The following NSFL1C variants were observed in gnomAD, a reference collection of about 807,000 sequenced individuals.
NSFL1C encodes NSFL1 cofactor, also known as NSFL1 cofactor p47.
NSFL1C carries 14 observed loss-of-function variants against 43.1 expected under a neutral mutation model. The ratio of observed to expected loss-of-function variants is 0.32; its 90% CI spans 0.21 to 0.51. The LOEUF (loss-of-function observed/expected upper bound fraction) is 0.51. Ranked by LOEUF, NSFL1C falls within the 20% of genes least tolerant of loss-of-function variation. NSFL1C has a pLI of 0.98. For synonymous variants in NSFL1C, 171 were observed against 183.5 expected, an observed-to-expected ratio of 0.93 and a Z score of 0.55; for missense variants, 406 against 472.5, an observed-to-expected ratio of 0.86 and a Z score of 1.30.
chr20:1,458,709 A>C (rs529414956), intron 2 of NSFL1C, among the ~76,000 whole-genome samples: 2 of 152,246 alleles, frequency 1.3e-5, no homozygotes, highest in Admixed American at 1.3e-4. Context: ...CCAAAGAACT[A>C]GTGGACAATC....
chr20:1,452,732 G>C (rs968777284), intron 6 of NSFL1C, 102 bp from the exon 7 acceptor site: 1 of 1,444,630 alleles, frequency 6.9e-7, no homozygotes, highest in Non-Finnish European at 9.4e-7. Flanking sequence ...GTGAAAAATC[G>C]CTGGGCCTCC....
At chr20:1,466,469 C>T (rs555401375) in intron 1 of NSFL1C, among the ~76,000 whole-genome samples, 1 of 152,360 alleles carries the variant, frequency 6.6e-6, no homozygotes, top group Non-Finnish European at 1.5e-5. Context: ...CGCCCGAAGT[C>T]TCGCTGACGC....
chr20:1,464,973 G>C (rs1364224432), intron 1 of NSFL1C, among the ~76,000 whole-genome samples: 2 of 152,288 alleles, frequency 1.3e-5, no homozygotes, highest in African/African-American at 2.4e-5. Context: ...TGTGGAGTCA[G>C]TCCAGGTTGC....
At position 1,445,734 on chromosome 20, in the gene NSFL1C, A is replaced by G. The variant is rs2122803117; in HGVS notation, c.882T>C (p.Pro294=). The G allele has an allele frequency of 6.2e-7, 1 of 1,614,066 alleles. No homozygotes were observed. The highest frequency in any genetic ancestry group is 8.5e-7 in the Non-Finnish European group (1 of 1,180,014). Residue 294 remains proline, a synonymous_variant, in exon 8 of 9, where the codon CCT becomes CCC. Transcript: ENST00000216879. ...CAAGCCGAATTTGGATGTTTGTGGT[A>G]GGCTCTGATTCGTCGATTAAGATGG... The part of the protein sequence containing the change: ...SSSILIDESE[P]TTNIQIRLAD...
At chr20:1,458,340 C>A in intron 2 of NSFL1C, 66 bp from the exon 3 acceptor site, 1 of 1,367,260 alleles carries the variant, frequency 7.3e-7, no homozygotes. Context: ...TCATCACCAG[C>A]TGCTAAGGAG....
intron 1 of NSFL1C, among the ~76,000 whole-genome samples, 189 bp from the exon 2 acceptor site, chr20:1,464,615 A>G (rs1381220869): frequency 1.3e-5 from 2 of 152,162 alleles, no homozygotes; most frequent in Non-Finnish European, 2.9e-5. Context: ...AACAAATTCC[A>G]CCCACTAAGG....
chr20:1,464,672 T>A (rs1391344852), intron 1 of NSFL1C, among the ~76,000 whole-genome samples: 1 of 152,198 alleles, frequency 6.6e-6, no homozygotes, highest in Non-Finnish European at 1.5e-5. Context: ...CACTCTTTAT[T>A]CTCATTTTAT....
At chr20:1,447,387 C>T (rs1208122573) in intron 7 of NSFL1C, among the ~76,000 whole-genome samples, 2 of 152,090 alleles carry the variant, frequency 1.3e-5, no homozygotes, top group Admixed American at 1.3e-4. Context: ...TTGAATGCAG[C>T]CCAACACAAA....
At chr20:1,451,769 A>G (rs1055784163) in intron 7 of NSFL1C, among the ~76,000 whole-genome samples, 2 of 152,212 alleles carry the variant, frequency 1.3e-5, no homozygotes, top group South Asian at 2.1e-4. Context: ...CTATTAACCA[A>G]TCAGATATCA....
chr20:1,455,747 C>A (rs1461469702), intron 3 of NSFL1C: 3 of 779,256 alleles, frequency 3.8e-6, no homozygotes, highest in African/African-American at 3.4e-5. Flanking sequence ...AGGTTCAAAT[C>A]AGCAGATGTA....
At chr20:1,443,962 C>T (rs767217935) in intron 8 of NSFL1C, 51 bp from the exon 9 acceptor site, 81 of 1,559,734 alleles carry the variant, frequency 5.2e-5, no homozygotes, top group Non-Finnish European at 6.6e-5. Context: ...CTGTCCATAC[C>T]CCTGCCCTGT....
intron 1 of NSFL1C, among the ~76,000 whole-genome samples, chr20:1,466,046 G>A (rs1445772636): frequency 1.3e-5 from 2 of 152,090 alleles, no homozygotes; most frequent in African/African-American, 4.8e-5. Context: ...GTTAATTACC[G>A]AATGCTTATT....
At chr20:1,463,006 T>C (rs1370847100) in intron 2 of NSFL1C, among the ~76,000 whole-genome samples, 1 of 152,190 alleles carries the variant, frequency 6.6e-6, no homozygotes, top group Non-Finnish European at 1.5e-5. Context: ...ATCATTACCA[T>C]TTGACAGGCG....
chr20:1,446,439 T>G (rs1000419469), intron 7 of NSFL1C, among the ~76,000 whole-genome samples: 3 of 152,070 alleles, frequency 2.0e-5, no homozygotes, highest in Non-Finnish European at 2.9e-5. Context: ...AAAAGCCAAT[T>G]AAGTGCTGGG....
intron 2 of NSFL1C, chr20:1,464,080 TAAGTAA>T (rs563472487): frequency 3.5e-4 from 157 of 445,630 alleles, no homozygotes; most frequent in African/African-American, 2.9e-3. Context: ...TCATACTACA[TAAGTAA>T]AAGTCTTAAA....
At position 1,443,548 on chromosome 20, in the gene NSFL1C, C is replaced by CCATT. The variant is rs2089993967; in HGVS notation, c.*197_*200dup. The CCATT allele has an allele frequency of 2.1e-6, 1 of 477,858 alleles. No homozygotes were observed. 29.6% of individuals were successfully genotyped at this position (477,858 alleles called of 1,614,324 possible). A position where few individuals can be genotyped will look rare whatever the true frequency, so the allele number is the denominator to read the frequency against. ...TTTTTATTTTTTTTTTCATTAAAGT[C>CCATT]CATTGATCATCACAAAAACCCAGGA... On this transcript the variant is annotated 3_prime_UTR_variant, in exon 9 of 9. Transcript: ENST00000216879.
rs1024019676 is a variant in NSFL1C at position 1,442,999 on chromosome 20, C to T, written c.*750G>A. On this transcript the variant is annotated 3_prime_UTR_variant, in exon 9 of 9. Coordinates refer to ENST00000216879, the MANE Select transcript of NSFL1C (RefSeq NM_016143.5). ...CCTAGGTCCACTCAAGACTTCTGCA[C>T]GTGGAGTAAATCAAGCCATAATGGA... The T allele has an allele frequency of 6.6e-6, 1 of 152,140 alleles. No homozygotes were observed. Among genetic ancestry groups the T allele is most frequent in the African/African-American group, 2.4e-5 (1 of 41,410 alleles). 9.4% of individuals were successfully genotyped at this position (152,140 alleles called of 1,614,324 possible). A position where few individuals can be genotyped will look rare whatever the true frequency, so the allele number is the denominator to read the frequency against.
chr20:1,443,584 A>C lies in NSFL1C; in HGVS notation c.*165T>G. 1 of 582,984 alleles carries C rather than the reference A, an allele frequency of 1.7e-6. No homozygotes were observed. Among genetic ancestry groups the C allele is most frequent in the East Asian group, 2.8e-5 (1 of 35,206 alleles). 36.1% of individuals were successfully genotyped at this position (582,984 alleles called of 1,614,324 possible). A position where few individuals can be genotyped will look rare whatever the true frequency, so the allele number is the denominator to read the frequency against. On this transcript the variant is annotated 3_prime_UTR_variant, in exon 9 of 9. Transcript: ENST00000216879. Reference sequence around the variant, plus strand: ...CACAAAAACCCAGGAAATGCAACTAAGGAGAAAACAAACGTCCAACCAAGA... The same window carrying C: ...CACAAAAACCCAGGAAATGCAACTACGGAGAAAACAAACGTCCAACCAAGA...
At chr20:1,451,004 C>T (rs1304664173) in intron 7 of NSFL1C, among the ~76,000 whole-genome samples, 1 of 152,146 alleles carries the variant, frequency 6.6e-6, no homozygotes, top group African/African-American at 2.4e-5. Flanking sequence ...GATACACTTG[C>T]CAGATATTTC....
Sources: gnomAD v4.1 joint callset for allele counts (sites outside exome capture counted in the v4.1 genomes callset) on GRCh38, gnomAD v4.1.1 for gene constraint, MANE v1.5 for transcripts, NCBI Gene and HGNC (gene_info 2026-07-23, HGNC 2026-07-21) for gene names.